CADPS: variants seen among roughly 807,000 people sequenced by gnomAD.
CADPS encodes calcium-dependent secretion activator 1.
A neutral mutation model predicts 167.3 loss-of-function variants in CADPS; 57 were observed. The observed-to-expected ratio is 0.34, with a 90% CI of 0.28 to 0.42. CADPS has a LOEUF of 0.42. CADPS is among the 20% of genes least tolerant of loss of function. The pLI is 1.00. For synonymous variants in CADPS, 676 were observed against 635.3 expected, an observed-to-expected ratio of 1.06 and a Z score of -0.96; for missense variants, 1,414 against 1,738.1, an observed-to-expected ratio of 0.81 and a Z score of 3.32.
At chr3:62,442,777 G>C (rs2056568388) in intron 27 of CADPS, among the ~76,000 whole-genome samples, 1 of 152,060 alleles carries the variant, frequency 6.6e-6, no homozygotes, top group Non-Finnish European at 1.5e-5. Context: ...TATTCACCAG[G>C]TGACCTTGGG....
chr3:62,596,038 G>C (rs1470645073), intron 6 of CADPS, among the ~76,000 whole-genome samples: 2 of 151,274 alleles, frequency 1.3e-5, no homozygotes, highest in East Asian at 1.9e-4. Flanking sequence ...GTGGGACCTT[G>C]TGATGGTGTA....
intron 22 of CADPS, among the ~76,000 whole-genome samples, chr3:62,479,758 A>G (rs2061746704): frequency 6.6e-6 from 1 of 152,246 alleles, no homozygotes; most frequent in Admixed American, 6.5e-5. Context: ...ATGAAAAGAT[A>G]TAGAATCAGG....
At chr3:62,445,880 T>A in intron 26 of CADPS, 83 bp from the exon 27 acceptor site, 1 of 926,434 alleles carries the variant, frequency 1.1e-6, no homozygotes, top group Non-Finnish European at 1.5e-6. Flanking sequence ...CCCATCAGAA[T>A]CAAAACAACA....
At chr3:62,617,712 T>C (rs1375820961) in intron 6 of CADPS, among the ~76,000 whole-genome samples, 1 of 152,106 alleles carries the variant, frequency 6.6e-6, no homozygotes, top group Non-Finnish European at 1.5e-5. Flanking sequence ...ACACACATGG[T>C]GTCAGTTCTT....
chr3:62,470,983 T>C (rs998349712), intron 24 of CADPS, among the ~76,000 whole-genome samples: 1 of 152,170 alleles, frequency 6.6e-6, no homozygotes, highest in Non-Finnish European at 1.5e-5. Context: ...TAGAAAGAAA[T>C]AGACACTGCT....
chr3:62,546,375 T>A (rs2152176605), intron 11 of CADPS, among the ~76,000 whole-genome samples: 1 of 152,290 alleles, frequency 6.6e-6, no homozygotes, highest in Admixed American at 6.5e-5. Context: ...TTTTCAGTGC[T>A]AAAAGGAGAG....
chr3:62,427,824 A>T (rs1338758907), intron 28 of CADPS, among the ~76,000 whole-genome samples: 1 of 152,246 alleles, frequency 6.6e-6, no homozygotes, highest in Non-Finnish European at 1.5e-5. Flanking sequence ...AAAGCAACTC[A>T]TGCATTTAAC....
chr3:62,690,000 T>G (rs1225584848), intron 3 of CADPS, among the ~76,000 whole-genome samples: 1 of 151,984 alleles, frequency 6.6e-6, no homozygotes, highest in East Asian at 1.9e-4. Flanking sequence ...GTAATAAGCA[T>G]TTTAGCTAGG....
intron 2 of CADPS, among the ~76,000 whole-genome samples, chr3:62,756,116 C>T (rs1032463753): frequency 1.3e-5 from 2 of 150,214 alleles, no homozygotes; most frequent in Admixed American, 6.6e-5. Context: ...TACAGTGGTG[C>T]GATCTTGGCT....
chr3:62,588,297 C>CCT (rs2085115673), intron 7 of CADPS, among the ~76,000 whole-genome samples: 1 of 139,846 alleles, frequency 7.2e-6, no homozygotes, highest in Non-Finnish European at 1.5e-5. Context: ...CCAGGTCTTT[C>CCT]TTTTTTTTTT....
chr3:62,587,563 G>T (rs1039886952), intron 7 of CADPS, among the ~76,000 whole-genome samples: 1 of 152,200 alleles, frequency 6.6e-6, no homozygotes, highest in African/African-American at 2.4e-5. Flanking sequence ...GGCCAGAACC[G>T]CGGTAAGTAA....
intron 4 of CADPS, among the ~76,000 whole-genome samples, chr3:62,652,648 G>T (rs1323898924): frequency 6.6e-6 from 1 of 151,874 alleles, no homozygotes; most frequent in African/African-American, 2.4e-5. Flanking sequence ...AGAAGAGAGA[G>T]AAAGAGGTAG....
chr3:62,497,499 C>T (rs559494733), intron 18 of CADPS, among the ~76,000 whole-genome samples: 1 of 152,288 alleles, frequency 6.6e-6, no homozygotes, highest in Admixed American at 6.5e-5. Flanking sequence ...CAGATGCCTG[C>T]AATCTGAAAA....
intron 3 of CADPS, among the ~76,000 whole-genome samples, chr3:62,709,395 G>A (rs1398403539): frequency 2.0e-5 from 3 of 152,098 alleles, no homozygotes; most frequent in African/African-American, 7.3e-5. Context: ...ATTAACTGTT[G>A]GACCTTGGAC....
In CADPS at chr3:62,465,129, G is replaced by A. The variant is rs188549425; in HGVS notation, c.3636+238C>T. On this transcript the variant is annotated intron_variant, in intron 26 of 29. Transcript: ENST00000383710. This position sits in a 1 kb window ranked among gnomAD's most constrained non-coding sequence, Gnocchi z 4.1. ...TGGATGCATACAAATAGCAATGTGT[G>A]TGTGTGTTCATAAAAAATACACACA... Among the ~76,000 whole-genome samples, 555 of 152,324 alleles carry A rather than the reference G, an allele frequency of 3.6e-3. 7 individuals carry two copies. The highest frequency in any genetic ancestry group is 0.013 in the African/African-American group (527 of 41,574).
At chr3:62,696,591 C>T (rs2080322461) in intron 3 of CADPS, among the ~76,000 whole-genome samples, 1 of 152,090 alleles carries the variant, frequency 6.6e-6, no homozygotes, top group African/African-American at 2.4e-5. Flanking sequence ...CCCTTTGTTT[C>T]CTCAACTCTA....
rs993696489 is a variant in CADPS at position 62,874,402 on chromosome 3, C to A, written c.441+187G>T. On this transcript the variant is annotated intron_variant, in intron 1 of 29. Transcript: ENST00000383710. The surrounding 1 kb of genome is among the most constrained non-coding windows in gnomAD (Gnocchi z 7.1). ...GGTCCCAGTCAGCTCCAGGAGCGCT[C>A]CAGGCTGGGTTGGGCTGGGCCTGGG... Among the ~76,000 whole-genome samples, 3 of 152,162 alleles carry A rather than the reference C, an allele frequency of 2.0e-5. No homozygotes were observed. Among genetic ancestry groups the A allele is most frequent in the East Asian group, 3.9e-4 (2 of 5,122 alleles).
chr3:62,775,541 T>C (rs11928821), intron 1 of CADPS, among the ~76,000 whole-genome samples: 280 of 152,338 alleles, frequency 1.8e-3, no homozygotes, highest in African/African-American at 6.4e-3. Flanking sequence ...ATGGTGGTGA[T>C]TGAAATCTCA....
chr3:62,556,994 AAC>A (rs56228621), intron 10 of CADPS, among the ~76,000 whole-genome samples: 3,722 of 142,946 alleles, frequency 0.026, 49 homozygotes, highest in East Asian at 0.048. Flanking sequence ...GGTGAAAAAC[AAC>A]ACACACACAC....
Sources: gnomAD v4.1 joint callset for allele counts (sites outside exome capture counted in the v4.1 genomes callset) on GRCh38, gnomAD v4.1.1 for gene constraint, Gnocchi (gnomAD v3.1) non-coding constraint, MANE v1.5 for transcripts, NCBI Gene and HGNC (gene_info 2026-07-23, HGNC 2026-07-21) for gene names.